GPR158: variants seen among roughly 807,000 people sequenced by gnomAD.
The protein encoded by GPR158 is G protein-coupled receptor 158, also known as metabotropic glycine receptor.
Under a neutral mutation model 78.2 loss-of-function variants are expected in GPR158, and 30 were observed. That is an observed-to-expected ratio of 0.38 (90% CI 0.29 to 0.52). The LOEUF is 0.52. Among genes scored for constraint, GPR158 ranks in the 20% least tolerant of loss-of-function variants. GPR158 has a pLI of 0.83. For missense variants in GPR158, 1,463 were observed against 1,523.5 expected, an observed-to-expected ratio of 0.96 and a Z score of 0.66; for synonymous variants, 581 against 591.1, an observed-to-expected ratio of 0.98 and a Z score of 0.25.
intron 5 of GPR158, among the ~76,000 whole-genome samples, chr10:25,507,912 T>C (rs1588891514): frequency 6.6e-6 from 1 of 152,204 alleles, no homozygotes; most frequent in Non-Finnish European, 1.5e-5. Flanking sequence ...TTATATTCCA[T>C]AAAATGTAGC....
intron 7 of GPR158, among the ~76,000 whole-genome samples, chr10:25,582,329 C>T (rs192758065): frequency 8.5e-5 from 13 of 152,284 alleles, no homozygotes; most frequent in African/African-American, 3.1e-4. Context: ...TCCATAAGCT[C>T]TGAGGTAGCT....
At chr10:25,338,888 T>C (rs1187393033) in intron 2 of GPR158, among the ~76,000 whole-genome samples, 3 of 151,750 alleles carry the variant, frequency 2.0e-5, no homozygotes, top group Non-Finnish European at 2.9e-5. Context: ...TGAAGTCTCC[T>C]AAGCCATCAA....
chr10:25,307,906 A>C (rs1194493009), intron 2 of GPR158, among the ~76,000 whole-genome samples: 1 of 152,086 alleles, frequency 6.6e-6, no homozygotes, highest in Admixed American at 6.6e-5. Context: ...CTTCAGGAAA[A>C]ATTCCCAAAA....
chr10:25,548,446 G>A (rs531616495), intron 5 of GPR158, among the ~76,000 whole-genome samples: 193 of 152,244 alleles, frequency 1.3e-3, no homozygotes, highest in Non-Finnish European at 2.4e-3. Context: ...AATAATATTA[G>A]CCAATACTTA....
intron 5 of GPR158, among the ~76,000 whole-genome samples, chr10:25,480,058 C>G (rs1835644791): frequency 6.6e-6 from 1 of 152,052 alleles, no homozygotes; most frequent in Admixed American, 6.6e-5. Flanking sequence ...TTTCTTGGAG[C>G]CATTTTATCT....
At chr10:25,528,128 T>C (rs1836374593) in intron 5 of GPR158, among the ~76,000 whole-genome samples, 1 of 151,860 alleles carries the variant, frequency 6.6e-6, no homozygotes, top group Non-Finnish European at 1.5e-5. Context: ...CAATCTTAAC[T>C]CTTTCAGAAA....
chr10:25,499,432 G>A (rs1355785084), intron 5 of GPR158, among the ~76,000 whole-genome samples: 2 of 152,180 alleles, frequency 1.3e-5, no homozygotes, highest in African/African-American at 2.4e-5. Flanking sequence ...TCAGCCAAGA[G>A]CCTAGGAGGC....
At chr10:25,393,235 T>G (rs1834324937) in intron 2 of GPR158, among the ~76,000 whole-genome samples, 1 of 152,236 alleles carries the variant, frequency 6.6e-6, no homozygotes. Context: ...CATAAGAATT[T>G]AAAATTCTCA....
chr10:25,231,767 G>A (rs1853450927), intron 2 of GPR158, among the ~76,000 whole-genome samples: 1 of 152,140 alleles, frequency 6.6e-6, no homozygotes, highest in Non-Finnish European at 1.5e-5. Context: ...CATGCACAGG[G>A]ATGACAAGAG....
intron 2 of GPR158, among the ~76,000 whole-genome samples, chr10:25,333,658 A>G (rs543686998): frequency 2.0e-5 from 3 of 152,158 alleles, no homozygotes; most frequent in Non-Finnish European, 4.4e-5. Context: ...AGAGGAAAAG[A>G]ATCATTATTT....
At chr10:25,373,713 A>T (rs1384295638) in intron 2 of GPR158, among the ~76,000 whole-genome samples, 3 of 151,838 alleles carry the variant, frequency 2.0e-5, no homozygotes, top group East Asian at 1.9e-4. Context: ...TATGTTACTT[A>T]GTTTCCAAGT....
In GPR158 at chr10:25,359,926, G is replaced by A. The variant is rs148446474; in HGVS notation, c.1009-35985G>A. On this transcript the variant is annotated intron_variant, in intron 2 of 10. Transcript: ENST00000376351. ...CTCCACATCCTTTCCAGCATCTGTT[G>A]TTTCCTGACTTTTTAATGATTGCCA... 6.7e-3 allele frequency among the ~76,000 whole-genome samples: 1,027 copies of A among 152,162 alleles called. 5 individuals are homozygous for A. The highest frequency in any genetic ancestry group is 8.8e-3 in the Non-Finnish European group (597 of 67,994).
chr10:25,353,505 C>G (rs1039718070), intron 2 of GPR158, among the ~76,000 whole-genome samples: 1 of 151,772 alleles, frequency 6.6e-6, no homozygotes. Context: ...AAATTGGGAT[C>G]AAAGCCTAAA....
intron 3 of GPR158, among the ~76,000 whole-genome samples, chr10:25,400,909 C>T (rs887740842): frequency 1.3e-5 from 2 of 151,742 alleles, no homozygotes; most frequent in Non-Finnish European, 2.9e-5. Flanking sequence ...GAAGATGCGA[C>T]GGGAGGAAAA....
intron 5 of GPR158, among the ~76,000 whole-genome samples, chr10:25,531,756 A>G (rs1836426306): frequency 6.6e-6 from 1 of 152,224 alleles, no homozygotes; most frequent in South Asian, 2.1e-4. Flanking sequence ...AGAAATAATT[A>G]TACCACTTTA....
chr10:25,212,229 A>C (rs567753250), intron 1 of GPR158, among the ~76,000 whole-genome samples: 1 of 152,204 alleles, frequency 6.6e-6, no homozygotes. Context: ...TGCAGGCTGT[A>C]CAGGAAGCAT....
chr10:25,346,832 T>C (rs1855378237), intron 2 of GPR158, among the ~76,000 whole-genome samples: 1 of 151,934 alleles, frequency 6.6e-6, no homozygotes, highest in South Asian at 2.1e-4. Context: ...TATCCTCCAG[T>C]ATACCTGACA....
At position 25,175,855 on chromosome 10, in the gene GPR158, G is replaced by C; in HGVS notation, c.435G>C (p.Ser145=). Residue 145 remains serine, a synonymous_variant, in exon 1 of 11, where the codon TCG becomes TCC. Coordinates refer to ENST00000376351, the MANE Select transcript of GPR158 (RefSeq NM_020752.3). This position sits in a 1 kb window ranked among gnomAD's most constrained non-coding sequence, Gnocchi z 6.4. The stretch of plus-strand genomic sequence containing the variant: ...ACGTGATGCTGCAGAGCAATAAGTC[G>C]CGGGAGCAGAACTTGCAGGACGACC... The part of the protein sequence containing the change: ...FLNVMLQSNK[S]REQNLQDDLD... 1 of 1,613,766 alleles carries C rather than the reference G, an allele frequency of 6.2e-7. No homozygotes were observed. Among genetic ancestry groups the C allele is most frequent in the South Asian group, 1.1e-5 (1 of 91,086 alleles).
chr10:25,389,435 G>C (rs1253626765), intron 2 of GPR158, among the ~76,000 whole-genome samples: 1 of 152,154 alleles, frequency 6.6e-6, no homozygotes, highest in Non-Finnish European at 1.5e-5. Flanking sequence ...ACAGAGAGGA[G>C]ACTCTCTGCT....
Sources: gnomAD v4.1 joint callset for allele counts (sites outside exome capture counted in the v4.1 genomes callset) on GRCh38, gnomAD v4.1.1 for gene constraint, Gnocchi (gnomAD v3.1) non-coding constraint, MANE v1.5 for transcripts, NCBI Gene and HGNC (gene_info 2026-07-23, HGNC 2026-07-21) for gene names.